The following MLLT3 variants were observed in gnomAD, a reference collection of about 807,000 sequenced individuals.
MLLT3 encodes MLLT3 super elongation complex subunit.
A neutral mutation model predicts 53.2 loss-of-function variants in MLLT3; 4 were observed. The ratio of observed to expected loss-of-function variants is 0.08; its 90% CI spans 0.04 to 0.17. MLLT3 has a LOEUF of 0.17. Among genes scored for constraint, MLLT3 ranks in the 10% least tolerant of loss-of-function variants. The probability of loss-of-function intolerance (pLI) is 1.00; values close to 1 mark genes in which losing one functional copy is unlikely to be tolerated. For missense variants in MLLT3, 569 were observed against 684.0 expected (o/e 0.83, Z 1.87); for synonymous variants, 283 against 230.6 (o/e 1.23, Z -2.06).
chr9:20,431,125 A>C (rs960059079), intron 4 of MLLT3, among the ~76,000 whole-genome samples: 1 of 152,184 alleles, frequency 6.6e-6, no homozygotes, highest in Non-Finnish European at 1.5e-5. Flanking sequence ...AAATTGCTAT[A>C]ACTATTATAT....
chr9:20,573,222 C>T (rs1819576954), intron 2 of MLLT3, among the ~76,000 whole-genome samples: 1 of 151,048 alleles, frequency 6.6e-6, no homozygotes, highest in Non-Finnish European at 1.5e-5. Context: ...ACTTGGTCAC[C>T]CAGGCTGAGT....
chr9:20,371,937 GA>G (rs1587167674), intron 5 of MLLT3, among the ~76,000 whole-genome samples: 1 of 152,136 alleles, frequency 6.6e-6, no homozygotes, highest in South Asian at 2.1e-4. Context: ...TGATTCACAA[GA>G]GAAGATCAAA....
At chr9:20,454,701 G>T (rs918172504) in intron 3 of MLLT3, among the ~76,000 whole-genome samples, 6 of 152,292 alleles carry the variant, frequency 3.9e-5, no homozygotes, top group Admixed American at 3.9e-4. Context: ...ATGAGGATGT[G>T]ACAAGAGGGA....
intron 10 of MLLT3, among the ~76,000 whole-genome samples, chr9:20,347,534 C>T (rs1587136753): frequency 6.6e-6 from 1 of 152,296 alleles, no homozygotes; most frequent in African/African-American, 2.4e-5. Flanking sequence ...CTTCTGAAGT[C>T]TCAACATTAA....
chr9:20,532,385 A>G (rs1321815081), intron 2 of MLLT3, among the ~76,000 whole-genome samples: 1 of 152,214 alleles, frequency 6.6e-6, no homozygotes, highest in South Asian at 2.1e-4. Context: ...GTGGAATAGT[A>G]AAAGACACCA....
Position 20,621,810 on chromosome 9 carries a change from G to C in MLLT3, c.12+435C>G. ...CGCGGCGCTTTGCGGAGGTGCGGCC[G>C]CCGAGGCTGCTCGCCGCGTCCCCGG... On this transcript the variant is annotated intron_variant, in intron 1 of 10. Transcript: ENST00000380338. The surrounding 1 kb of genome is among the most constrained non-coding windows in gnomAD (Gnocchi z 7.0). 1 of 1,436,002 alleles carries C rather than the reference G, an allele frequency of 7.0e-7. No individual in the cohort carries two copies. The highest frequency in any genetic ancestry group is 9.0e-7 in the Non-Finnish European group (1 of 1,106,366). The allele number at this position is 1,436,002 out of a possible 1,614,324, so 89.0% of individuals were successfully genotyped here.
chr9:20,389,863 T>A (rs1490081973), intron 5 of MLLT3, among the ~76,000 whole-genome samples: 3 of 152,272 alleles, frequency 2.0e-5, no homozygotes, highest in Non-Finnish European at 4.4e-5. Context: ...AGTTGCATTT[T>A]AAAAGTTACA....
intron 2 of MLLT3, among the ~76,000 whole-genome samples, chr9:20,575,161 T>A (rs2131168082): frequency 6.6e-6 from 1 of 152,352 alleles, no homozygotes; most frequent in East Asian, 1.9e-4. Context: ...TTCAAAGTCA[T>A]CCATGAGGGC....
At chr9:20,537,515 C>T (rs533068378) in intron 2 of MLLT3, among the ~76,000 whole-genome samples, 2 of 152,224 alleles carry the variant, frequency 1.3e-5, no homozygotes, top group South Asian at 2.1e-4. Context: ...TAAAAGAACA[C>T]TTAACATTTT....
At chr9:20,362,352 A>G (rs751265498) in intron 7 of MLLT3, among the ~76,000 whole-genome samples, 36 of 152,236 alleles carry the variant, frequency 2.4e-4, no homozygotes, top group Admixed American at 5.9e-4. Context: ...TTTTTCATCA[A>G]CTAAACTTGA....
intron 5 of MLLT3, among the ~76,000 whole-genome samples, chr9:20,405,946 T>C (rs553459691): frequency 6.6e-6 from 1 of 152,130 alleles, no homozygotes; most frequent in Admixed American, 6.5e-5. Context: ...ATCCCGCCTC[T>C]ACTAAAAGTA....
chr9:20,399,830 C>T (rs1464152676), intron 5 of MLLT3, among the ~76,000 whole-genome samples: 1 of 151,988 alleles, frequency 6.6e-6, no homozygotes. Context: ...CTTTTGAAAA[C>T]AAATAAATGG....
intron 2 of MLLT3, among the ~76,000 whole-genome samples, chr9:20,591,084 A>G (rs1820116869): frequency 6.6e-6 from 1 of 152,190 alleles, no homozygotes; most frequent in South Asian, 2.1e-4. Context: ...AGGGACATTT[A>G]GTCACATTAA....
chr9:20,349,154 G>A (rs540768303), intron 10 of MLLT3, among the ~76,000 whole-genome samples: 63 of 152,230 alleles, frequency 4.1e-4, no homozygotes, highest in African/African-American at 1.4e-3. Context: ...TTCTGGATCT[G>A]GCATATCAAG....
intron 4 of MLLT3, among the ~76,000 whole-genome samples, chr9:20,440,926 G>A (rs546433177): frequency 7.4e-4 from 112 of 152,074 alleles, no homozygotes; most frequent in African/African-American, 2.5e-3. Flanking sequence ...ACTAAATTAC[G>A]GTTACTATAT....
At chr9:20,614,211 A>G (rs1442816182) in intron 2 of MLLT3, among the ~76,000 whole-genome samples, 2 of 152,186 alleles carry the variant, frequency 1.3e-5, no homozygotes, top group African/African-American at 4.8e-5. Context: ...CCTGGCCAAC[A>G]TGGTGAAACC....
intron 2 of MLLT3, among the ~76,000 whole-genome samples, chr9:20,529,724 CTTTT>C (rs5896896): frequency 2.6e-5 from 2 of 76,418 alleles, no homozygotes; most frequent in African/African-American, 5.3e-5. Context: ...TAATCCAATC[CTTTT>C]TTTTTTTTTT....
rs56934102 is a variant in MLLT3 at position 20,343,214 on chromosome 9, A to AAAAAAAAAAAAAAAAAAAAAAAAATTT, written c.*3228_*3229insAAATTTTTTTTTTTTTTTTTTTTTTTT. 1 of 115,060 alleles carries AAAAAAAAAAAAAAAAAAAAAAAAATTT rather than the reference A, an allele frequency of 8.7e-6. No homozygotes were observed. Among genetic ancestry groups the AAAAAAAAAAAAAAAAAAAAAAAAATTT allele is most frequent in the African/African-American group, 6.7e-5 (1 of 14,930 alleles). 7.1% of individuals were successfully genotyped at this position (115,060 alleles called of 1,614,324 possible). On this transcript the variant is annotated 3_prime_UTR_variant, in exon 11 of 11. Coordinates refer to ENST00000380338, the MANE Select transcript of MLLT3 (RefSeq NM_004529.4). ...AAAAAAAAAAAAAAAAAAAAAAAAA[A>AAAAAAAAAAAAAAAAAAAAAAAAATTT]TTTTGAAGAAACTTTTTAGTGGAAG...
At position 20,342,046 on chromosome 9, in the gene MLLT3, C is replaced by T. The variant is rs10964538; in HGVS notation, c.*4397G>A. 25,455 of 209,780 alleles carry T rather than the reference C, an allele frequency of 0.12. 1,694 individuals carry two copies. Among genetic ancestry groups the T allele is most frequent in the Non-Finnish European group, 0.15 (15,374 of 103,232 alleles). The allele number at this position is 209,780 out of a possible 1,614,324, so 13.0% of individuals were successfully genotyped here. A position where few individuals can be genotyped will look rare whatever the true frequency, so the allele number is the denominator to read the frequency against. ...CAGCTGGTTTTGGACACATTGTCCT[C>T]TCTCTGGATGTCTCAGATCTCCCCA... On this transcript the variant is annotated 3_prime_UTR_variant, in exon 11 of 11. Transcript: ENST00000380338.
Sources: allele counts gnomAD v4.1 joint callset (sites outside exome capture counted in the v4.1 genomes callset), GRCh38; gene constraint gnomAD v4.1.1; non-coding constraint Gnocchi (gnomAD v3.1); transcripts MANE v1.5; gene names NCBI Gene and HGNC (gene_info 2026-07-23, HGNC 2026-07-21).